Variants in NXN observed in about 807,000 individuals in gnomAD.
The protein encoded by NXN is nucleoredoxin.
A neutral mutation model predicts 48.6 loss-of-function variants in NXN; 16 were observed. That is an observed-to-expected ratio of 0.33 (90% CI 0.22 to 0.50). The LOEUF is 0.50. Ranked by LOEUF, NXN falls within the 20% of genes least tolerant of loss-of-function variation. NXN has a pLI of 0.98. For missense variants in NXN, 492 were observed against 605.5 expected (o/e 0.81, Z 1.97); for synonymous variants, 281 against 269.6 (o/e 1.04, Z -0.41).
chr17:893,306 G>A (rs1015894309), intron 1 of NXN, among the ~76,000 whole-genome samples: 7 of 152,208 alleles, frequency 4.6e-5, no homozygotes, highest in African/African-American at 1.7e-4. Context: ...CTTTTTAGGG[G>A]AGAAAGCATG....
At chr17:812,174 G>T (rs9891727) in intron 5 of NXN, among the ~76,000 whole-genome samples, 45 of 151,534 alleles carry the variant, frequency 3.0e-4, no homozygotes, top group African/African-American at 1.0e-3. Flanking sequence ...TGATCCGCCC[G>T]CCTCGGCCTC....
chr17:858,842 A>G (rs756918879), intron 1 of NXN, among the ~76,000 whole-genome samples: 2 of 152,164 alleles, frequency 1.3e-5, no homozygotes. Context: ...AACTTGTTAG[A>G]ACAGATTGGA....
chr17:961,651 C>T (rs1283452402), intron 1 of NXN, among the ~76,000 whole-genome samples: 1 of 152,172 alleles, frequency 6.6e-6, no homozygotes, highest in Non-Finnish European at 1.5e-5. Context: ...AATTCCCCTT[C>T]CCTTCTTAAA....
At chr17:832,994 C>T (rs1673212714) in intron 1 of NXN, among the ~76,000 whole-genome samples, 1 of 152,036 alleles carries the variant, frequency 6.6e-6, no homozygotes, top group Non-Finnish European at 1.5e-5. Context: ...GGGTTCACAC[C>T]ATTCTCCTGC....
intron 1 of NXN, among the ~76,000 whole-genome samples, chr17:876,097 C>T (rs1016983170): frequency 2.0e-5 from 3 of 151,828 alleles, no homozygotes; most frequent in African/African-American, 7.3e-5. Flanking sequence ...TGGAGAATCG[C>T]TTGAACCTGG....
At chr17:904,144 C>T (rs770801449) in intron 1 of NXN, among the ~76,000 whole-genome samples, 4 of 152,218 alleles carry the variant, frequency 2.6e-5, no homozygotes, top group Non-Finnish European at 5.9e-5. Flanking sequence ...AAACTCTGTC[C>T]GTACATGCCT....
chr17:831,108 G>A (rs1197756511), intron 1 of NXN, among the ~76,000 whole-genome samples: 1 of 152,030 alleles, frequency 6.6e-6, no homozygotes, highest in Non-Finnish European at 1.5e-5. Context: ...GAAAAAGGGC[G>A]AGACCTAGAT....
chr17:848,022 G>C (rs1490245601), intron 1 of NXN, among the ~76,000 whole-genome samples: 1 of 152,074 alleles, frequency 6.6e-6, no homozygotes, highest in African/African-American at 2.4e-5. Flanking sequence ...AACGGGGCGA[G>C]TGAAGGATCG....
intron 1 of NXN, among the ~76,000 whole-genome samples, chr17:847,450 G>A (rs534922069): frequency 9.2e-5 from 14 of 152,230 alleles, no homozygotes; most frequent in African/African-American, 2.4e-4. Flanking sequence ...CGTTCTGCAC[G>A]GAGCCTGGCA....
At position 979,639 on chromosome 17, in the gene NXN, C is replaced by G; in HGVS notation, c.40G>C (p.Val14Leu). Residue 14 changes from valine to leucine, a missense_variant, in exon 1 of 8, where the codon GTG becomes CTG. By Grantham distance (32) the Val-to-Leu change is conservative. Coordinates refer to ENST00000336868, the MANE Select transcript of NXN (RefSeq NM_022463.5). Reference sequence around the variant, plus strand: ...TCCACCTCCTCGCCGCCGCCCGTCACCAGCTTCTCGCCGAGCAGCTCCTCC... The same window carrying G: ...TCCACCTCCTCGCCGCCGCCCGTCAGCAGCTTCTCGCCGAGCAGCTCCTCC... ...FLEELLGEKL[V>L]TGGGEEVDVH... The G allele has an allele frequency of 2.0e-6, 3 of 1,472,076 alleles. No homozygotes were observed. Among genetic ancestry groups the G allele is most frequent in the Non-Finnish European group, 2.7e-6 (3 of 1,111,796 alleles). The allele number at this position is 1,472,076 out of a possible 1,614,324, so 91.2% of individuals were successfully genotyped here.
At chr17:841,480 GT>G (rs1914239334) in intron 1 of NXN, among the ~76,000 whole-genome samples, 2 of 146,922 alleles carry the variant, frequency 1.4e-5, no homozygotes, top group African/African-American at 4.9e-5. Context: ...GGGCGAGCAG[GT>G]CCCCCCTGAC....
chr17:843,045 AAAGAAAGAAAG>A (rs1392947871), intron 1 of NXN, among the ~76,000 whole-genome samples: 131 of 138,138 alleles, frequency 9.5e-4, no homozygotes, highest in Middle Eastern at 7.2e-3. Flanking sequence ...AGAAAGAAAG[AAAGAAAGAAAG>A]AAGGAAGAAA....
chr17:878,139 G>C (rs905469240), intron 1 of NXN: 1 of 152,168 alleles, frequency 6.6e-6, no homozygotes, highest in Non-Finnish European at 1.5e-5. Flanking sequence ...CACAGCGTGG[G>C]GGCAGGCTTC....
At chr17:840,812 C>T (rs1914124725) in intron 1 of NXN, among the ~76,000 whole-genome samples, 1 of 152,194 alleles carries the variant, frequency 6.6e-6, no homozygotes, top group Non-Finnish European at 1.5e-5. Flanking sequence ...CCATCCTAAC[C>T]TGTTGCTCCA....
intron 1 of NXN, among the ~76,000 whole-genome samples, chr17:885,411 A>G (rs1348860384): frequency 6.6e-6 from 1 of 151,686 alleles, no homozygotes; most frequent in East Asian, 2.0e-4. Context: ...CGGGAGGTGG[A>G]GGTTGCAGTG....
At chr17:837,470 T>C (rs760828576) in intron 1 of NXN, among the ~76,000 whole-genome samples, 5 of 152,296 alleles carry the variant, frequency 3.3e-5, no homozygotes, top group East Asian at 3.9e-4. Flanking sequence ...CAATAAATGA[T>C]AGATGAACAA....
chr17:975,404 T>C (rs995656848), intron 1 of NXN, among the ~76,000 whole-genome samples: 4 of 152,198 alleles, frequency 2.6e-5, no homozygotes, highest in African/African-American at 9.7e-5. Context: ...TTGAGGTTGC[T>C]ACCAAATCCT....
At chr17:812,170 G>A (rs11869832) in intron 5 of NXN, among the ~76,000 whole-genome samples, 3,269 of 151,228 alleles carry the variant, frequency 0.022, 107 homozygotes, top group African/African-American at 0.072. Context: ...CTCGTGATCC[G>A]CCCGCCTCGG....
chr17:839,292 G>A (rs796417043), intron 1 of NXN, among the ~76,000 whole-genome samples: 5 of 152,040 alleles, frequency 3.3e-5, no homozygotes, highest in African/African-American at 1.2e-4. Context: ...AAAATTAGCT[G>A]GTCTTGGTGG....
Sources: gnomAD v4.1 joint callset for allele counts (sites outside exome capture counted in the v4.1 genomes callset) on GRCh38, gnomAD v4.1.1 for gene constraint, MANE v1.5 for transcripts, NCBI Gene and HGNC (gene_info 2026-07-23, HGNC 2026-07-21) for gene names.